The following SETD3 variants were observed in gnomAD, a reference collection of about 807,000 sequenced individuals.
SETD3 encodes actin-histidine N-methyltransferase.
Under a neutral mutation model 63.0 loss-of-function variants are expected in SETD3, and 19 were observed. The ratio of observed to expected loss-of-function variants is 0.30; its 90% CI spans 0.21 to 0.44. The LOEUF (loss-of-function observed/expected upper bound fraction) is 0.44. Among genes scored for constraint, SETD3 ranks in the 20% least tolerant of loss-of-function variants. The pLI, the probability that SETD3 is intolerant of heterozygous loss-of-function variation, is 1.00. For missense variants in SETD3, 587 were observed against 728.5 expected, an observed-to-expected ratio of 0.81 and a Z score of 2.24; for synonymous variants, 286 against 264.1, an observed-to-expected ratio of 1.08 and a Z score of -0.80.
At chr14:99,405,142 A>T in intron 10 of SETD3, 63 bp downstream of exon 10, 1 of 1,547,746 alleles carries the variant, frequency 6.5e-7, no homozygotes, top group South Asian at 1.3e-5. Context: ...CCAATTAAAC[A>T]CTATGCAACT....
chr14:99,427,045 G>C (rs1000478698), intron 6 of SETD3, among the ~76,000 whole-genome samples: 3 of 152,180 alleles, frequency 2.0e-5, no homozygotes, highest in Admixed American at 2.0e-4. Context: ...GAGAGCGTGG[G>C]GGGCAGCTGG....
intron 1 of SETD3, among the ~76,000 whole-genome samples, chr14:99,472,994 A>T (rs1895786197): frequency 6.6e-6 from 1 of 152,224 alleles, no homozygotes; most frequent in African/African-American, 2.4e-5. Context: ...ACATTTCTTC[A>T]CCATCAAGAT....
intron 1 of SETD3, among the ~76,000 whole-genome samples, chr14:99,472,691 C>T (rs1895767514): frequency 1.3e-5 from 2 of 152,026 alleles, no homozygotes; most frequent in South Asian, 2.1e-4. Flanking sequence ...CATACACATA[C>T]GAACTCAAGT....
At chr14:99,403,755 A>C (rs1312708555) in intron 11 of SETD3, among the ~76,000 whole-genome samples, 1 of 152,202 alleles carries the variant, frequency 6.6e-6, no homozygotes, top group African/African-American at 2.4e-5. Context: ...CTTGGCATTA[A>C]AATGCTTGCT....
At chr14:99,408,972 C>T (rs1241141290) in intron 8 of SETD3, among the ~76,000 whole-genome samples, 1 of 152,192 alleles carries the variant, frequency 6.6e-6, no homozygotes, top group Admixed American at 6.5e-5. Flanking sequence ...GGCCTTCTGG[C>T]AGGAGCCCCA....
chr14:99,416,943 T>C, intron 6 of SETD3, among the ~76,000 whole-genome samples: 1 of 152,162 alleles, frequency 6.6e-6, no homozygotes, highest in East Asian at 1.9e-4. Flanking sequence ...GACACAGTAA[T>C]ATTGTACCGA....
intron 6 of SETD3, among the ~76,000 whole-genome samples, chr14:99,457,479 T>C (rs1360250538): frequency 6.6e-6 from 1 of 152,210 alleles, no homozygotes; most frequent in African/African-American, 2.4e-5. Flanking sequence ...GGATAGACCA[T>C]TTAAGGAACA....
chr14:99,397,905 C>T lies in SETD3; in HGVS notation c.*774G>A, dbSNP rs1870062698. The T allele has an allele frequency of 6.6e-6, 1 of 152,496 alleles. No homozygotes were observed. Among genetic ancestry groups the T allele is most frequent in the Non-Finnish European group, 1.5e-5 (1 of 68,026 alleles). The allele number at this position is 152,496 out of a possible 1,614,324, so 9.4% of individuals were successfully genotyped here. On this transcript the variant is annotated 3_prime_UTR_variant, in exon 13 of 13. Coordinates refer to ENST00000331768, the MANE Select transcript of SETD3 (RefSeq NM_032233.3). ...CTGTGTGTTTGCAAACTCTCCATTACCAAGGCTGGAATCAAATGCACCACT... is the reference window on the plus strand; with the variant it reads ...CTGTGTGTTTGCAAACTCTCCATTATCAAGGCTGGAATCAAATGCACCACT...
intron 6 of SETD3, among the ~76,000 whole-genome samples, chr14:99,433,730 T>C (rs181658190): frequency 8.5e-5 from 13 of 152,288 alleles, no homozygotes; most frequent in Admixed American, 8.5e-4. Flanking sequence ...AGCTACCACA[T>C]CCGGCCTTAA....
At chr14:99,416,237 A>C (rs1892283832) in intron 6 of SETD3, among the ~76,000 whole-genome samples, 1 of 151,540 alleles carries the variant, frequency 6.6e-6, no homozygotes, top group Non-Finnish European at 1.5e-5. Flanking sequence ...AAAAACAAAC[A>C]AAAAAAAACC....
At chr14:99,442,716 G>A (rs1003077929) in intron 6 of SETD3, among the ~76,000 whole-genome samples, 1 of 152,212 alleles carries the variant, frequency 6.6e-6, no homozygotes, top group East Asian at 1.9e-4. Flanking sequence ...CAACATATGT[G>A]TTAATCAACT....
chr14:99,406,602 AG>A lies in SETD3; in HGVS notation c.850-13del. On this transcript the variant is annotated splice_polypyrimidine_tract_variant and intron_variant, in intron 8 of 12. Coordinates refer to ENST00000331768, the MANE Select transcript of SETD3 (RefSeq NM_032233.3). ...TAACCAGTAGTGATCTAGCCCGGGG[AG>A]GAGGAAGGAAATGATGGTGAGGCAA... 1 of 1,613,360 alleles carries A rather than the reference AG, an allele frequency of 6.2e-7. No individual in the cohort carries two copies.
At chr14:99,463,338 GCT>G in intron 3 of SETD3, 146 bp downstream of exon 3, 1 of 581,800 alleles carries the variant, frequency 1.7e-6, no homozygotes, top group Non-Finnish European at 3.0e-6. Context: ...CCCGCTAACT[GCT>G]CTCTCTCCCG....
At chr14:99,440,334 G>C (rs970963922) in intron 6 of SETD3, among the ~76,000 whole-genome samples, 1 of 152,120 alleles carries the variant, frequency 6.6e-6, no homozygotes, top group African/African-American at 2.4e-5. Flanking sequence ...CAAGCTCAGG[G>C]ACTAAACAAC....
chr14:99,406,240 C>T (rs1462081305), intron 9 of SETD3, among the ~76,000 whole-genome samples: 1 of 152,086 alleles, frequency 6.6e-6, no homozygotes, highest in Non-Finnish European at 1.5e-5. Flanking sequence ...AAGAGTGTTA[C>T]AAATATTTAC....
intron 6 of SETD3, among the ~76,000 whole-genome samples, chr14:99,420,761 A>G (rs969034096): frequency 6.6e-6 from 1 of 152,018 alleles, no homozygotes; most frequent in Non-Finnish European, 1.5e-5. Flanking sequence ...GAGAAACAAC[A>G]ACACAGATCA....
chr14:99,414,484 C>T (rs1892181927), intron 6 of SETD3, among the ~76,000 whole-genome samples: 1 of 152,196 alleles, frequency 6.6e-6, no homozygotes, highest in Non-Finnish European at 1.5e-5. Flanking sequence ...ACGGCAAATG[C>T]GGATCAAGCA....
intron 6 of SETD3, among the ~76,000 whole-genome samples, chr14:99,457,066 A>C (rs1162229129): frequency 1.3e-5 from 2 of 152,256 alleles, no homozygotes; most frequent in African/African-American, 4.8e-5. Context: ...TATACCATTG[A>C]GAACTAAGAA....
intron 6 of SETD3, among the ~76,000 whole-genome samples, chr14:99,440,871 C>A (rs1893770074): frequency 1.3e-5 from 2 of 151,640 alleles, no homozygotes; most frequent in African/African-American, 2.4e-5. Flanking sequence ...AGAACACAAG[C>A]CAGTTATCTG....
Sources: gnomAD v4.1 joint callset for allele counts (sites outside exome capture counted in the v4.1 genomes callset) on GRCh38, gnomAD v4.1.1 for gene constraint, MANE v1.5 for transcripts, NCBI Gene and HGNC (gene_info 2026-07-23, HGNC 2026-07-21) for gene names.